PCM1: variants seen among roughly 807,000 people sequenced by gnomAD.
The protein encoded by PCM1 is pericentriolar material 1, also known as pericentriolar material 1 protein.
In PCM1, 157 loss-of-function variants were observed where a neutral mutation model predicts 241.9. That is an observed-to-expected ratio of 0.65 (90% CI 0.57 to 0.74). PCM1 has a LOEUF of 0.74. PCM1 is among the 30% of genes least tolerant of loss of function. PCM1 has a pLI of 0.00. For missense variants in PCM1, 3,478 were observed against 2,360.1 expected (o/e 1.47, Z -9.81); for synonymous variants, 1,085 against 784.9 (o/e 1.38, Z -6.39).
At chr8:18,020,221 T>G (rs1259023232) in intron 36 of PCM1, among the ~76,000 whole-genome samples, 1 of 152,210 alleles carries the variant, frequency 6.6e-6, no homozygotes. Context: ...AGGAAGCTAC[T>G]GACCCATTGC....
intron 6 of PCM1, among the ~76,000 whole-genome samples, chr8:17,946,577 A>G (rs147968777): frequency 0.015 from 2,242 of 151,876 alleles, 23 homozygotes; most frequent in South Asian, 0.034. Flanking sequence ...GCTCACTGCA[A>G]TCTCTACCTC....
chr8:17,929,126 C>A (rs999843600), intron 2 of PCM1, among the ~76,000 whole-genome samples: 6 of 152,122 alleles, frequency 3.9e-5, no homozygotes, highest in African/African-American at 1.4e-4. Flanking sequence ...CCTCACTACC[C>A]CTGCTGAAAT....
chr8:17,986,198 C>CT (rs1564180801), intron 26 of PCM1, 111 bp downstream of exon 26: 7 of 752,334 alleles, frequency 9.3e-6, no homozygotes, highest in Non-Finnish European at 1.4e-5. Context: ...TGATTTTCAG[C>CT]TTTTTTTAAA....
Position 17,952,973 on chromosome 8 carries a change from C to G in PCM1, c.1075C>G (p.Pro359Ala). The change falls in exon 9 of 39, where the codon CCA (proline) becomes GCA (alanine). Residue 359 changes from proline (P) to alanine (A), a missense_variant. Transcript: ENST00000325083. ...FHNQLRDSQP[P>A]AVPDNRRQAE... ...TTTGTTGTTTTTTTTTAATAAGCCTCCAGCTGTTCCAGACAATAGAAGACA... is the reference window on the plus strand; with the variant it reads ...TTTGTTGTTTTTTTTTAATAAGCCTGCAGCTGTTCCAGACAATAGAAGACA... The G allele has an allele frequency of 1.9e-6, 3 of 1,554,610 alleles. No homozygotes were observed. The highest frequency in any genetic ancestry group is 2.6e-6 in the Non-Finnish European group (3 of 1,150,162).
chr8:17,974,774 A>G (rs928688681), intron 23 of PCM1, among the ~76,000 whole-genome samples: 1 of 152,036 alleles, frequency 6.6e-6, no homozygotes, highest in South Asian at 2.1e-4. Flanking sequence ...TTGAAGTATA[A>G]AAATACCTGC....
intron 31 of PCM1, among the ~76,000 whole-genome samples, chr8:18,010,007 T>G (rs184973472): frequency 1.2e-3 from 183 of 152,332 alleles, no homozygotes; most frequent in African/African-American, 4.2e-3. Context: ...TGTCCTGTAT[T>G]CAGGTCTTGA....
chr8:17,937,569 C>T (rs530403559), intron 4 of PCM1, among the ~76,000 whole-genome samples, 190 bp downstream of exon 4: 40 of 152,260 alleles, frequency 2.6e-4, no homozygotes, highest in African/African-American at 9.6e-4. Context: ...AGTCCCATTT[C>T]TAAACTTGCT....
At chr8:17,980,488 C>T in intron 23 of PCM1, 103 bp from the exon 24 acceptor site, 1 of 837,656 alleles carries the variant, frequency 1.2e-6, no homozygotes. Flanking sequence ...GCCTTCCTAG[C>T]ATTGTAAATT....
chr8:18,014,053 A>G lies in PCM1; in HGVS notation c.5584+17A>G, dbSNP rs1355711230. On this transcript the variant is annotated intron_variant, in intron 35 of 38. Transcript: ENST00000325083. ...CTAGTAAAAGTAAGAAATCTAAATAAGTCTTTGATTTTAAGATAATTTCCT... is the reference window on the plus strand; with the variant it reads ...CTAGTAAAAGTAAGAAATCTAAATAGGTCTTTGATTTTAAGATAATTTCCT... The G allele has an allele frequency of 2.1e-6, 3 of 1,426,728 alleles. No individual in the cohort carries two copies. Among genetic ancestry groups the G allele is most frequent in the Admixed American group, 4.1e-5 (2 of 48,224 alleles). 88.4% of individuals were successfully genotyped at this position (1,426,728 alleles called of 1,614,324 possible).
intron 23 of PCM1, 54 bp downstream of exon 23, chr8:17,972,741 T>C: frequency 8.2e-6 from 9 of 1,096,194 alleles, no homozygotes; most frequent in South Asian, 2.0e-5. Flanking sequence ...GTAATCTTAC[T>C]TTGACATGTT....
intron 34 of PCM1, among the ~76,000 whole-genome samples, chr8:18,012,726 C>T (rs555478441): frequency 6.6e-6 from 1 of 152,216 alleles, no homozygotes; most frequent in East Asian, 1.9e-4. Context: ...TCTCTTTTCT[C>T]TCCTTCTGTA....
intron 2 of PCM1, among the ~76,000 whole-genome samples, chr8:17,931,331 C>A (rs749674027): frequency 1.4e-4 from 21 of 151,906 alleles, no homozygotes; most frequent in Non-Finnish European, 3.1e-4. Flanking sequence ...TGCTCTTGCC[C>A]AGGCTGGAGT....
chr8:17,941,251 T>C (rs561402549), intron 6 of PCM1, among the ~76,000 whole-genome samples: 1 of 152,210 alleles, frequency 6.6e-6, no homozygotes, highest in East Asian at 1.9e-4. Flanking sequence ...AAAGGAATTC[T>C]GTTGGGGAGG....
At chr8:18,009,995 A>G (rs1257895654) in intron 31 of PCM1, among the ~76,000 whole-genome samples, 2 of 152,304 alleles carry the variant, frequency 1.3e-5, no homozygotes, top group African/African-American at 2.4e-5. Flanking sequence ...AGTTCACATT[A>G]TTGTCCTGTA....
chr8:17,980,753 C>T lies in PCM1; in HGVS notation c.4106C>T (p.Ser1369Leu). 6.2e-7 allele frequency: 1 copy of T among 1,600,146 alleles called. No homozygotes were observed. Among genetic ancestry groups the T allele is most frequent in the Non-Finnish European group, 8.5e-7 (1 of 1,174,696 alleles). ...TGTAATAGGTCTACAGAAATATCTT[C>T]AGGTATGTTCTTTTTTGGTTTGCAT... The part of the protein sequence containing the change: ...IKCNRSTEIS[S>L]ETGSDFSMFE... The change falls in exon 24 of 39, where the codon TCA becomes TTA. Residue 1369 changes from serine to leucine, a missense_variant and splice_region_variant. Ser to Leu is a moderately radical substitution (Grantham distance 145, BLOSUM62 -2). Transcript: ENST00000325083.
Position 17,953,152 on chromosome 8 carries a change from T to C in PCM1, c.1254T>C (p.His418=). The C allele has an allele frequency of 3.2e-6, 5 of 1,581,646 alleles. No individual in the cohort carries two copies. In the African/African-American group the frequency reaches 4.0e-5, roughly 13 times the overall value. The change falls in exon 9 of 39, where the codon CAT becomes CAC. Residue 418 remains histidine, a synonymous_variant. Transcript: ENST00000325083. ...TGGACAAATTGCTTGGAGAACTTCA[T>C]ACACTTCGAGATCAGCATCTTAACA... ...QKMDKLLGEL[H]TLRDQHLNNS...
In PCM1 at chr8:18,011,656, A is replaced by G; in HGVS notation, c.5351-11A>G. On this transcript the variant is annotated splice_polypyrimidine_tract_variant and intron_variant, in intron 33 of 38. Coordinates refer to ENST00000325083, the MANE Select transcript of PCM1 (RefSeq NM_006197.4). ...TGAAATTTACTAAAAATTGTGTATT[A>G]ATCAACTTAGATTTGTCTAAAGCTG... 1.3e-6 allele frequency: 2 copies of G among 1,592,372 alleles called. No individual in the cohort carries two copies. The highest frequency in any genetic ancestry group is 1.7e-6 in the Non-Finnish European group (2 of 1,169,454).
intron 25 of PCM1, 92 bp from the exon 26 acceptor site, chr8:17,985,867 C>A: frequency 2.2e-6 from 2 of 906,004 alleles, no homozygotes; most frequent in South Asian, 2.2e-5. Flanking sequence ...TACATTTTTC[C>A]TTCCATCTGC....
chr8:18,006,590 GT>G (rs1419290461), intron 30 of PCM1, among the ~76,000 whole-genome samples, 193 bp downstream of exon 30: 1 of 152,068 alleles, frequency 6.6e-6, no homozygotes, highest in African/African-American at 2.4e-5. Flanking sequence ...ATTAGGTCCT[GT>G]TTGTATCTTC....
Sources: gnomAD v4.1 joint callset for allele counts (sites outside exome capture counted in the v4.1 genomes callset) on GRCh38, gnomAD v4.1.1 for gene constraint, MANE v1.5 for transcripts, NCBI Gene and HGNC (gene_info 2026-07-23, HGNC 2026-07-21) for gene names.